The following TMLHE variants were observed in gnomAD, a reference collection of about 807,000 sequenced individuals.
TMLHE encodes the protein trimethyllysine hydroxylase, epsilon.
Under a neutral mutation model 25.7 loss-of-function variants are expected in TMLHE, and 18 were observed. The ratio of observed to expected loss-of-function variants is 0.70; its 90% CI spans 0.48 to 1.04. The LOEUF (loss-of-function observed/expected upper bound fraction) is 1.04, where lower values mean the gene tolerates loss of function less well. Among genes scored for constraint, TMLHE ranks in the 50% least tolerant of loss-of-function variants. TMLHE has a pLI of 0.00. For missense variants in TMLHE, 236 were observed against 259.0 expected (o/e 0.91, Z 0.61); for synonymous variants, 105 against 97.0 (o/e 1.08, Z -0.49).
Position 155,525,646 on chromosome X carries a change from G to T in TMLHE, c.182-1014C>A, listed in dbSNP as rs2067215616. Among the ~76,000 whole-genome samples the T allele has an allele frequency of 2.7e-5, 3 of 112,164 alleles. No individual in the cohort carries two copies. In the South Asian group the frequency reaches 1.1e-3, roughly 41 times the overall value. On this transcript the variant is annotated intron_variant, in intron 2 of 7. Transcript: ENST00000334398. ...GAGGGAAATTTAGGAACTTCCTAGA[G>T]ACTTCTTGAATAGTTTTGACCAAAA... is the stretch of plus-strand genomic sequence containing the variant.
intron 1 of TMLHE, among the ~76,000 whole-genome samples, chrX:155,601,277 G>A (rs1557347216): frequency 1.8e-5 from 2 of 111,767 alleles, no homozygotes; most frequent in African/African-American, 6.5e-5. Context: ...GATTAGTAAA[G>A]GTAATTATGT....
rs782435452 is a variant in TMLHE, at chrX:155,510,939, A to G, written c.758+734T>C. Among the ~76,000 whole-genome samples, 27 of 109,193 alleles carry G rather than the reference A, an allele frequency of 2.5e-4. No homozygotes were observed. In the East Asian group the frequency reaches 6.4e-3, roughly 26 times the overall value. The allele number at this position is 109,193 out of a possible 115,157, so 94.8% of individuals were successfully genotyped here. ...GTTTCCTGACTTTTTAATGATTGCC[A>G]TTCTAACTGGTGTGAGATGGTATCT... is the stretch of plus-strand genomic sequence containing the variant. On this transcript the variant is annotated intron_variant, in intron 5 of 7. Transcript: ENST00000334398.
At position 155,544,265 on chromosome X, in the gene TMLHE, A is replaced by G. The variant is rs2067330115; in HGVS notation, c.181+831T>C. On this transcript the variant is annotated intron_variant, in intron 2 of 7. Transcript: ENST00000334398. ...GGTACCTGTGAATGTGACCTTATTT[A>G]GAAAGCCTCTTTGCAGATGTAATCA... 4.5e-5 allele frequency among the ~76,000 whole-genome samples: 5 copies of G among 112,220 alleles called. No homozygotes were observed. The South Asian group carries it at 1.8e-3, about 41-fold the overall frequency.
intron 1 of TMLHE, among the ~76,000 whole-genome samples, chrX:155,573,377 C>T (rs5983655): frequency 0.12 from 6,453 of 54,295 alleles, 1,640 homozygotes; most frequent in African/African-American, 0.16. Context: ...ACTTTTACAC[C>T]GTTGGTGGGA....
chrX:155,580,294 C>A (rs1340974476), intron 1 of TMLHE, among the ~76,000 whole-genome samples: 1 of 111,554 alleles, frequency 9.0e-6, no homozygotes, highest in Non-Finnish European at 1.9e-5. Flanking sequence ...AATGAGATAT[C>A]ATCTTACACC....
chrX:155,602,667 TCACATGCA>T (rs1260458158), intron 1 of TMLHE, among the ~76,000 whole-genome samples: 8 of 110,296 alleles, frequency 7.3e-5, no homozygotes, highest in Non-Finnish European at 1.5e-4. Flanking sequence ...ACCCACACAC[TCACATGCA>T]CACATACACA....
chrX:155,585,241 A>G (rs2067656695), intron 1 of TMLHE, among the ~76,000 whole-genome samples: 1 of 111,558 alleles, frequency 9.0e-6, no homozygotes, highest in Non-Finnish European at 1.9e-5. Context: ...ACCTGCAAGG[A>G]TACATATAGA....
At chrX:155,533,383 A>G (rs894557409) in intron 2 of TMLHE, among the ~76,000 whole-genome samples, 2 of 110,505 alleles carry the variant, frequency 1.8e-5, no homozygotes, top group Non-Finnish European at 3.8e-5. Flanking sequence ...GCACACGCAC[A>G]CACACACACA....
intron 1 of TMLHE, among the ~76,000 whole-genome samples, chrX:155,552,099 G>A (rs2067419667): frequency 9.2e-6 from 1 of 109,221 alleles, no homozygotes; most frequent in South Asian, 3.8e-4. Context: ...CTACAATAGG[G>A]TATATTATCC....
At position 155,580,926 on chromosome X, in the gene TMLHE, A is replaced by G. The variant is rs376227661; in HGVS notation, c.-2+31866T>C. On this transcript the variant is annotated intron_variant, in intron 1 of 7. Transcript: ENST00000334398. ...GAACATCGATGCAAAAATCCTCAAT[A>G]AAATACTAGCAAACCAAATCTATCA... Among the ~76,000 whole-genome samples, 15 of 112,205 alleles carry G rather than the reference A, an allele frequency of 1.3e-4. 1 individual carries two copies. The East Asian group carries it at 3.6e-3, about 27-fold the overall frequency.
intron 1 of TMLHE, among the ~76,000 whole-genome samples, chrX:155,553,356 A>C (rs1421946233): frequency 9.2e-6 from 1 of 109,245 alleles, no homozygotes; most frequent in African/African-American, 3.4e-5. Context: ...TTTGAGTGTT[A>C]AGTGCATACA....
chrX:155,603,541 T>C lies in TMLHE; in HGVS notation c.-2+9251A>G, dbSNP rs868909250. On this transcript the variant is annotated intron_variant, in intron 1 of 7. Transcript: ENST00000334398. ...TTAAATACATATTACAATGCCACAA[T>C]AGTCAAGACAGTAGGGACTGGCATA... 3.6e-5 allele frequency among the ~76,000 whole-genome samples: 4 copies of C among 111,703 alleles called. No homozygotes were observed. The Admixed American group carries it at 3.8e-4, about 11-fold the overall frequency.
At chrX:155,515,682 T>C (rs912558810) in intron 3 of TMLHE, among the ~76,000 whole-genome samples, 3 of 111,780 alleles carry the variant, frequency 2.7e-5, no homozygotes, top group Non-Finnish European at 5.6e-5. Context: ...GTGGAACTGC[T>C]ATCTTGTAAT....
At chrX:155,514,686 AGATG>A (rs781969958) in intron 3 of TMLHE, among the ~76,000 whole-genome samples, 6 of 110,768 alleles carry the variant, frequency 5.4e-5, no homozygotes, top group African/African-American at 1.6e-4. Flanking sequence ...TTTATTTTAC[AGATG>A]GAGAAAAAGT....
chrX:155,608,119 A>G (rs1290668890), intron 1 of TMLHE, among the ~76,000 whole-genome samples: 2 of 112,206 alleles, frequency 1.8e-5, no homozygotes, highest in Admixed American at 1.9e-4. Context: ...TTAAGCAAAA[A>G]TACAAACTTG....
At chrX:155,596,002 G>A (rs1469659368) in intron 1 of TMLHE, among the ~76,000 whole-genome samples, 2 of 111,443 alleles carry the variant, frequency 1.8e-5, no homozygotes, top group Middle Eastern at 4.2e-3. Context: ...AGGTTTTAAT[G>A]TTAATAAATG....
At chrX:155,597,640 T>G (rs1267887781) in intron 1 of TMLHE, among the ~76,000 whole-genome samples, 6 of 111,631 alleles carry the variant, frequency 5.4e-5, no homozygotes, top group Non-Finnish European at 9.4e-5. Flanking sequence ...AAGCATTTTT[T>G]TACCTAAGCT....
chrX:155,587,482 C>A, intron 1 of TMLHE, among the ~76,000 whole-genome samples: 1 of 111,434 alleles, frequency 9.0e-6, no homozygotes, highest in East Asian at 2.8e-4. Flanking sequence ...TTTCACCACT[C>A]CTGTTCAACA....
At chrX:155,601,211 A>C (rs1329184390) in intron 1 of TMLHE, among the ~76,000 whole-genome samples, 2 of 112,346 alleles carry the variant, frequency 1.8e-5, no homozygotes, top group African/African-American at 6.5e-5. Flanking sequence ...AAAGTCCTTG[A>C]GCTAAAAGGA....
Sources: allele counts gnomAD v4.1 joint callset (sites outside exome capture counted in the v4.1 genomes callset), GRCh38; gene constraint gnomAD v4.1.1; transcripts MANE v1.5; gene names NCBI Gene and HGNC (gene_info 2026-07-23, HGNC 2026-07-21).